The following PRR35 variants were observed in gnomAD, a reference collection of about 807,000 sequenced individuals.
The protein encoded by PRR35 is proline-rich protein 35.
In PRR35, 14 loss-of-function variants were observed where a neutral mutation model predicts 18.6. The observed-to-expected ratio is 0.75, with a 90% CI of 0.50 to 1.18. The LOEUF (loss-of-function observed/expected upper bound fraction) is 1.18. PRR35 is among the 50% of genes most tolerant of loss of function. The pLI is 0.00. For missense variants in PRR35, 832 were observed against 792.2 expected, an observed-to-expected ratio of 1.05 and a Z score of -0.60; for synonymous variants, 425 against 378.2, an observed-to-expected ratio of 1.12 and a Z score of -1.43.
rs1342531061 is a variant in PRR35, at chr16:563,732, G to A, written c.438G>A (p.Arg146=). ...CAGGGCCACCACCCCCTGTGGCTAG[G>A]GCCACCCGGAAGGGTCCCGGCCCCA... ...GSPGPPPPVA[R]ATRKGPGPSG... Residue 146 remains arginine (R), a synonymous_variant, in exon 2 of 3, where the codon AGG becomes AGA. Coordinates refer to ENST00000409413, the MANE Select transcript of PRR35 (RefSeq NM_145270.3). The A allele has an allele frequency of 1.4e-5, 21 of 1,530,746 alleles. No individual in the cohort carries two copies. Among genetic ancestry groups the A allele is most frequent in the African/African-American group, 2.7e-5 (2 of 73,034 alleles). The allele number at this position is 1,530,746 out of a possible 1,614,324, so 94.8% of individuals were successfully genotyped here.
In PRR35 at chr16:565,177, G is replaced by C; in HGVS notation, c.1586G>C (p.Gly529Ala). ...CEADSSVPPPGLPLAAPDDPV... is the reference protein window; with the variant it reads ...CEADSSVPPPALPLAAPDDPV... ...GCCGACTCCAGCGTCCCACCCCCAG[G>C]GCTCCCCCTCGCAGCCCCAGATGAC... is the stretch of plus-strand genomic sequence containing the variant. Residue 529 changes from glycine to alanine, a missense_variant, in exon 3 of 3, where the codon GGG becomes GCG. Gly to Ala is a moderately conservative substitution (Grantham distance 60, BLOSUM62 0). Transcript: ENST00000409413. 6.2e-7 allele frequency: 1 copy of C among 1,610,888 alleles called. No individual in the cohort carries two copies. The highest frequency in any genetic ancestry group is 2.2e-5 in the East Asian group (1 of 44,822).
chr16:560,412 C>A lies in PRR35; in HGVS notation c.-289C>A. Reference sequence around the variant, plus strand: ...TGCCGCCAACTTCGGGAGGTGCGAGCGGCGTCGGGGGGACGCGGGCGGCGG... The same window carrying A: ...TGCCGCCAACTTCGGGAGGTGCGAGAGGCGTCGGGGGGACGCGGGCGGCGG... On this transcript the variant is annotated 5_prime_UTR_variant, in exon 1 of 3. Coordinates refer to ENST00000409413, the MANE Select transcript of PRR35 (RefSeq NM_145270.3). 12 of 982,724 alleles carry A rather than the reference C, an allele frequency of 1.2e-5. No individual in the cohort carries two copies. The highest frequency in any genetic ancestry group is 1.4e-5 in the Non-Finnish European group (12 of 828,958). The allele number at this position is 982,724 out of a possible 1,614,324, so 60.9% of individuals were successfully genotyped here.
chr16:560,419 G>T lies in PRR35; in HGVS notation c.-282G>T, dbSNP rs1027797530. 1.6e-5 allele frequency: 16 copies of T among 982,900 alleles called. No individual in the cohort carries two copies. Among genetic ancestry groups the T allele is most frequent in the African/African-American group, 8.8e-5 (5 of 56,964 alleles). The allele number at this position is 982,900 out of a possible 1,614,324, so 60.9% of individuals were successfully genotyped here. A position where few individuals can be genotyped will look rare whatever the true frequency, so the allele number is the denominator to read the frequency against. On this transcript the variant is annotated 5_prime_UTR_variant, in exon 1 of 3. Transcript: ENST00000409413. ...AACTTCGGGAGGTGCGAGCGGCGTC[G>T]GGGGGACGCGGGCGGCGGCGGAGGC...
rs963576795 is a variant in PRR35 at position 564,581 on chromosome 16, G to A, written c.1083-93G>A. The A allele has an allele frequency of 5.6e-6, 8 of 1,417,900 alleles. No homozygotes were observed. The African/African-American group carries it at 1.2e-4, about 20-fold the overall frequency. The allele number at this position is 1,417,900 out of a possible 1,614,324, so 87.8% of individuals were successfully genotyped here. On this transcript the variant is annotated intron_variant, in intron 2 of 2. Transcript: ENST00000409413. The stretch of plus-strand genomic sequence containing the variant: ...TCCAGGAGAGCCTAGGCTCTAGGCT[G>A]GGGCCACAGGGCAGAGGCCGTGAGG...
At chr16:559,839 A>T, upstream of PRR35, 2 of 823,430 alleles carry the variant, frequency 2.4e-6, no homozygotes, top group South Asian at 1.1e-4. Context: ...GGAAAAGAGA[A>T]CGGAGGGCAG....
chr16:561,007 T>TGGGGG (rs551802494), intron 1 of PRR35, among the ~76,000 whole-genome samples: 3 of 148,534 alleles, frequency 2.0e-5, no homozygotes, highest in African/African-American at 7.8e-5. Flanking sequence ...TCCTGCCCTG[T>TGGGGG]GGGGGTGCCT....
rs752197093 is a variant in PRR35 at position 563,583 on chromosome 16, G to A, written c.289G>A (p.Asp97Asn). Residue 97 changes from aspartate to asparagine, a missense_variant, in exon 2 of 3, where the codon GAC becomes AAC. By Grantham distance (23) the Asp-to-Asn change is conservative. Around this residue, in one of 3 missense-constraint regions of PRR35, gnomAD observed 768 missense variants for 704.1 expected, o/e 1.09. Transcript: ENST00000409413. ...APTPDRPGES[D>N]PGRQPQGARP... ...CACCCCAGACCGCCCTGGGGAGTCC[G>A]ACCCCGGCAGGCAACCCCAGGGAGC... The A allele has an allele frequency of 4.7e-5, 75 of 1,600,002 alleles. No individual in the cohort carries two copies. Among genetic ancestry groups the A allele is most frequent in the East Asian group, 2.7e-4 (12 of 44,314 alleles).
chr16:562,594 CAG>C (rs199927731), intron 1 of PRR35, among the ~76,000 whole-genome samples: 3 of 81,784 alleles, frequency 3.7e-5, no homozygotes, highest in African/African-American at 1.0e-4. Context: ...TGCACACACA[CAG>C]ACACACACAG....
upstream of PRR35, among the ~76,000 whole-genome samples, chr16:560,132 C>T (rs998945920): frequency 7.9e-5 from 12 of 151,462 alleles, no homozygotes; most frequent in African/African-American, 2.9e-4. Flanking sequence ...CCTGACTCGG[C>T]CGCACACCTG....
chr16:565,376 C>T lies in PRR35; in HGVS notation c.*69C>T. On this transcript the variant is annotated 3_prime_UTR_variant, in exon 3 of 3. Transcript: ENST00000409413. The stretch of plus-strand genomic sequence containing the variant: ...GGCCCCTCTCCTGCAGCCCCTGCCC[C>T]TCACCTGCCTGGGACCTGCCCCGCC... The T allele has an allele frequency of 1.4e-6, 2 of 1,386,056 alleles. No individual in the cohort carries two copies. The highest frequency in any genetic ancestry group is 1.9e-6 in the Non-Finnish European group (2 of 1,060,504). 85.9% of individuals were successfully genotyped at this position (1,386,056 alleles called of 1,614,324 possible).
Position 563,279 on chromosome 16 carries a change from C to T in PRR35, c.-16C>T. The T allele has an allele frequency of 6.3e-7, 1 of 1,592,328 alleles. No homozygotes were observed. Among genetic ancestry groups the T allele is most frequent in the Non-Finnish European group, 8.5e-7 (1 of 1,172,114 alleles). On this transcript the variant is annotated 5_prime_UTR_variant, in exon 2 of 3. Coordinates refer to ENST00000409413, the MANE Select transcript of PRR35 (RefSeq NM_145270.3). ...AGGTGGCCATGGTGCCCGGCCCTGC[C>T]TCATAGCAGGCTGCCATGTCGCGGG...
Position 564,390 on chromosome 16 carries a change from G to A in PRR35, c.1082+14G>A. On this transcript the variant is annotated intron_variant, in intron 2 of 2. Transcript: ENST00000409413. ...TTCCCGGAGCAGGTGGGCGTCTTGG[G>A]CTCCCGGTTCCTGGGGTGGACGGAG... 1 of 1,588,886 alleles carries A rather than the reference G, an allele frequency of 6.3e-7. No individual in the cohort carries two copies. Among genetic ancestry groups the A allele is most frequent in the South Asian group, 1.1e-5 (1 of 89,268 alleles).
In PRR35 at chr16:563,268, C is replaced by A. The variant is rs745424377; in HGVS notation, c.-27C>A. On this transcript the variant is annotated 5_prime_UTR_variant, in exon 2 of 3. Coordinates refer to ENST00000409413, the MANE Select transcript of PRR35 (RefSeq NM_145270.3). The stretch of plus-strand genomic sequence containing the variant: ...GCCCCATCTACAGGTGGCCATGGTG[C>A]CCGGCCCTGCCTCATAGCAGGCTGC... 3.8e-6 allele frequency: 6 copies of A among 1,572,290 alleles called. No individual in the cohort carries two copies. Among genetic ancestry groups the A allele is most frequent in the Non-Finnish European group, 4.3e-6 (5 of 1,163,104 alleles).
Position 562,316 on chromosome 16 carries a change from C to T in PRR35, c.-39-940C>T, listed in dbSNP as rs979195627. On this transcript the variant is annotated intron_variant, in intron 1 of 2. Coordinates refer to ENST00000409413, the MANE Select transcript of PRR35 (RefSeq NM_145270.3). ...GGGGCCATGCTGGGACGTCCACTCCCCACAGCCTGGCCTGGCCCCACATGA... is the reference window on the plus strand; with the variant it reads ...GGGGCCATGCTGGGACGTCCACTCCTCACAGCCTGGCCTGGCCCCACATGA... 5.3e-5 allele frequency among the ~76,000 whole-genome samples: 8 copies of T among 152,368 alleles called. No individual in the cohort carries two copies. The East Asian group carries it at 1.2e-3, about 22-fold the overall frequency.
In PRR35 at chr16:565,310, T is replaced by C; in HGVS notation, c.*3T>C. 2.0e-6 allele frequency: 3 copies of C among 1,483,722 alleles called. No individual in the cohort carries two copies. The highest frequency in any genetic ancestry group is 2.7e-6 in the Non-Finnish European group (3 of 1,115,986). 91.9% of individuals were successfully genotyped at this position (1,483,722 alleles called of 1,614,324 possible). A position where few individuals can be genotyped will look rare whatever the true frequency, so the allele number is the denominator to read the frequency against. ...GCCCCCAGGGCGCCGAGGTCTGACCTGCAGCGCCTGAGGTCTGACTGTCTC... is the reference window on the plus strand; with the variant it reads ...GCCCCCAGGGCGCCGAGGTCTGACCCGCAGCGCCTGAGGTCTGACTGTCTC... On this transcript the variant is annotated 3_prime_UTR_variant, in exon 3 of 3. Coordinates refer to ENST00000409413, the MANE Select transcript of PRR35 (RefSeq NM_145270.3).
rs1250089735 is a variant in PRR35, at chr16:563,375, C to T, written c.81C>T (p.Ile27=). ...RSRKPKKPHY[I]PRPWGKPYNY... ...GGAAGCCCAAGAAGCCACACTACAT[C>T]CCGCGGCCCTGGGGCAAACCCTACA... is the stretch of plus-strand genomic sequence containing the variant. Residue 27 remains isoleucine, a synonymous_variant, in exon 2 of 3, where the codon ATC becomes ATT. Coordinates refer to ENST00000409413, the MANE Select transcript of PRR35 (RefSeq NM_145270.3). 6.2e-7 allele frequency: 1 copy of T among 1,612,356 alleles called. No individual in the cohort carries two copies. The highest frequency in any genetic ancestry group is 1.1e-5 in the South Asian group (1 of 91,092).
At chr16:564,530 G>T (rs1179852634) in intron 2 of PRR35, 144 bp from the exon 3 acceptor site, 2 of 1,404,368 alleles carry the variant, frequency 1.4e-6, no homozygotes. Flanking sequence ...TGAGACCCGA[G>T]AGCCAGCGCG....
At chr16:564,588 C>G (rs1023849080) in intron 2 of PRR35, 86 bp from the exon 3 acceptor site, 3 of 1,427,432 alleles carry the variant, frequency 2.1e-6, no homozygotes, top group Non-Finnish European at 2.8e-6. Flanking sequence ...GCTGGGGCCA[C>G]AGGGCAGAGG....
chr16:562,915 G>A (rs747846203), intron 1 of PRR35, among the ~76,000 whole-genome samples: 9 of 152,134 alleles, frequency 5.9e-5, no homozygotes, highest in Admixed American at 3.3e-4. Flanking sequence ...AGTTAAAATC[G>A]AATTTCCGAT....
Sources: allele counts gnomAD v4.1 joint callset (sites outside exome capture counted in the v4.1 genomes callset), GRCh38; gene constraint gnomAD v4.1.1; regional missense constraint gnomAD v4.1.1; transcripts MANE v1.5; gene names NCBI Gene and HGNC (gene_info 2026-07-23, HGNC 2026-07-21).